Variants in ANO3 observed in about 807,000 individuals in gnomAD.
The protein encoded by ANO3 is anoctamin-3.
ANO3 carries 99 observed loss-of-function variants against 144.8 expected under a neutral mutation model. That is an observed-to-expected ratio of 0.68 (90% CI 0.58 to 0.81). ANO3 has a LOEUF of 0.81. Ranked by LOEUF, ANO3 falls within the 30% of genes least tolerant of loss-of-function variation. The probability of loss-of-function intolerance (pLI) is 0.00; values close to 1 mark genes in which losing one functional copy is unlikely to be tolerated. For synonymous variants in ANO3, 414 were observed against 392.6 expected (o/e 1.05, Z -0.64); for missense variants, 905 against 1,202.2 (o/e 0.75, Z 3.66).
Position 26,660,259 on chromosome 11 carries a change from C to T in ANO3, c.2764-3C>T. On this transcript the variant is annotated splice_region_variant and splice_polypyrimidine_tract_variant and intron_variant, in intron 26 of 26. Coordinates refer to ENST00000256737, the MANE Select transcript of ANO3 (RefSeq NM_031418.4). Reference sequence around the variant, plus strand: ...ACTGTCCTTTTCACATTTAAATTTGCAGCACCTTGTTTTTGGGATTAAGTC... The same window carrying T: ...ACTGTCCTTTTCACATTTAAATTTGTAGCACCTTGTTTTTGGGATTAAGTC... 1 of 1,612,164 alleles carries T rather than the reference C, an allele frequency of 6.2e-7. No individual in the cohort carries two copies. Among genetic ancestry groups the T allele is most frequent in the Non-Finnish European group, 8.5e-7 (1 of 1,179,058 alleles).
At chr11:26,286,987 T>A (rs1464419945) in intron 1 of ANO3, among the ~76,000 whole-genome samples, 1 of 152,192 alleles carries the variant, frequency 6.6e-6, no homozygotes, top group Non-Finnish European at 1.5e-5. Context: ...TAACAAAGTG[T>A]TATAAATCAA....
chr11:26,332,118 G>A (rs762411659), upstream of ANO3: 26 of 1,489,814 alleles, frequency 1.7e-5, no homozygotes, highest in Non-Finnish European at 2.3e-5. Context: ...GACACCGGCG[G>A]GCGCGTAGCC....
intron 1 of ANO3, among the ~76,000 whole-genome samples, chr11:26,236,264 TGAA>T (rs1253638436): frequency 2.0e-5 from 3 of 152,186 alleles, no homozygotes; most frequent in African/African-American, 7.2e-5. Context: ...TTCCTAGAAC[TGAA>T]GTTGTTGGAT....
chr11:26,460,435 GGGTGGAAGGAAA>G (rs1565038506), intron 3 of ANO3, among the ~76,000 whole-genome samples: 28 of 13,896 alleles, frequency 2.0e-3, no homozygotes, highest in Admixed American at 3.6e-3. Flanking sequence ...GGGGGCGGGC[GGGTGGAAGGAAA>G]GAAGGAAAGA....
chr11:26,228,465 C>T (rs574685682), intron 1 of ANO3, among the ~76,000 whole-genome samples: 1 of 152,330 alleles, frequency 6.6e-6, no homozygotes, highest in East Asian at 1.9e-4. Flanking sequence ...TTCCTGGCAT[C>T]AACAAACACA....
At chr11:26,304,128 TC>T (rs1229514621) in intron 1 of ANO3, among the ~76,000 whole-genome samples, 2 of 152,226 alleles carry the variant, frequency 1.3e-5, no homozygotes, top group South Asian at 4.1e-4. Flanking sequence ...TGATTCATTT[TC>T]TTCGATTACT....
chr11:26,304,317 G>C (rs541344732), intron 1 of ANO3, among the ~76,000 whole-genome samples: 12 of 152,004 alleles, frequency 7.9e-5, no homozygotes, highest in Non-Finnish European at 1.3e-4. Context: ...TCTACATAAT[G>C]CTTTAAAAGC....
intron 1 of ANO3, among the ~76,000 whole-genome samples, chr11:26,393,037 G>A (rs1247026687): frequency 1.3e-5 from 2 of 152,146 alleles, no homozygotes; most frequent in Non-Finnish European, 2.9e-5. Context: ...TACTAGTTCT[G>A]CTGTTAATAT....
intron 3 of ANO3, among the ~76,000 whole-genome samples, chr11:26,461,430 C>G (rs1435775122): frequency 6.6e-6 from 1 of 151,956 alleles, no homozygotes; most frequent in Admixed American, 6.6e-5. Flanking sequence ...TAAAATGACA[C>G]CCCCCACTCC....
At chr11:26,335,994 G>T (rs1411439177) in intron 1 of ANO3, among the ~76,000 whole-genome samples, 1 of 152,132 alleles carries the variant, frequency 6.6e-6, no homozygotes, top group East Asian at 1.9e-4. Flanking sequence ...GTGGGGAGGG[G>T]GAGGCAGTCT....
chr11:26,370,843 T>C (rs11824236), intron 1 of ANO3, among the ~76,000 whole-genome samples: 40,609 of 152,010 alleles, frequency 0.27, 6,091 homozygotes, highest in African/African-American at 0.41. Flanking sequence ...AGAGATGATT[T>C]AGGATGTCTG....
upstream of ANO3, among the ~76,000 whole-genome samples, chr11:26,328,229 G>A (rs1854939854): frequency 6.6e-6 from 1 of 152,156 alleles, no homozygotes; most frequent in African/African-American, 2.4e-5. Context: ...TAATTCTGCT[G>A]TTATACTGTC....
At chr11:26,546,983 G>A (rs1164214556) in intron 11 of ANO3, among the ~76,000 whole-genome samples, 1 of 151,782 alleles carries the variant, frequency 6.6e-6, no homozygotes, top group African/African-American at 2.4e-5. Context: ...CTAGCATAAG[G>A]GTGTCTGGTG....
At chr11:26,250,836 T>C (rs1489361454) in intron 1 of ANO3, among the ~76,000 whole-genome samples, 1 of 152,252 alleles carries the variant, frequency 6.6e-6, no homozygotes, top group East Asian at 1.9e-4. Flanking sequence ...AAGTTGAAAA[T>C]AGCATAAGTC....
chr11:26,316,307 G>T (rs192853080), intron 1 of ANO3, among the ~76,000 whole-genome samples: 85 of 152,302 alleles, frequency 5.6e-4, no homozygotes, highest in African/African-American at 1.9e-3. Flanking sequence ...GTTTAGTGAG[G>T]GCAGGGGTAG....
chr11:26,190,918 A>G (rs1851462649), intron 1 of ANO3, among the ~76,000 whole-genome samples: 1 of 152,154 alleles, frequency 6.6e-6, no homozygotes, highest in African/African-American at 2.4e-5. Context: ...AGTAATCTCA[A>G]TATTCCTTAA....
intron 1 of ANO3, among the ~76,000 whole-genome samples, chr11:26,235,360 C>T (rs753426181): frequency 5.3e-5 from 8 of 152,042 alleles, no homozygotes; most frequent in Non-Finnish European, 1.2e-4. Flanking sequence ...GATACAATTC[C>T]ATTATTAAAT....
intron 1 of ANO3, among the ~76,000 whole-genome samples, chr11:26,304,433 T>C (rs1269459444): frequency 1.3e-5 from 2 of 152,134 alleles, no homozygotes; most frequent in Non-Finnish European, 2.9e-5. Flanking sequence ...TTTTCTCAAA[T>C]TGCAAACACT....
intron 1 of ANO3, among the ~76,000 whole-genome samples, chr11:26,235,435 G>A (rs1852498498): frequency 6.6e-6 from 1 of 152,018 alleles, no homozygotes; most frequent in Non-Finnish European, 1.5e-5. Flanking sequence ...AATACCACAA[G>A]ATTAAATCCA....
Sources: allele counts gnomAD v4.1 joint callset (sites outside exome capture counted in the v4.1 genomes callset), GRCh38; gene constraint gnomAD v4.1.1; transcripts MANE v1.5; gene names NCBI Gene and HGNC (gene_info 2026-07-23, HGNC 2026-07-21).